FLT1: variants seen among roughly 807,000 people sequenced by gnomAD.
The protein encoded by FLT1 is vascular endothelial growth factor receptor 1.
A neutral mutation model predicts 156.3 loss-of-function variants in FLT1; 49 were observed. The observed-to-expected ratio is 0.31, with a 90% CI of 0.25 to 0.40. The LOEUF is 0.40. FLT1 is among the 10% of genes least tolerant of loss of function. The pLI, the probability that FLT1 is intolerant of heterozygous loss-of-function variation, is 1.00. For missense variants in FLT1, 1,322 were observed against 1,637.2 expected (o/e 0.81, Z 3.32); for synonymous variants, 594 against 583.8 (o/e 1.02, Z -0.25).
intron 15 of FLT1, among the ~76,000 whole-genome samples, chr13:28,352,678 G>C (rs1344523775): frequency 6.6e-6 from 1 of 152,178 alleles, no homozygotes; most frequent in East Asian, 1.9e-4. Context: ...GTGCACAACT[G>C]GTTCATCTCT....
intron 3 of FLT1, among the ~76,000 whole-genome samples, chr13:28,442,628 C>T (rs1878391498): frequency 6.6e-6 from 1 of 151,864 alleles, no homozygotes; most frequent in Non-Finnish European, 1.5e-5. Context: ...CTATGCAAAA[C>T]ACATTATTTG....
At chr13:28,367,710 C>G (rs550711329) in intron 14 of FLT1, among the ~76,000 whole-genome samples, 6 of 152,326 alleles carry the variant, frequency 3.9e-5, no homozygotes, top group Non-Finnish European at 5.9e-5. Context: ...TGTTCCCCCC[C>G]ACACACAAAA....
At chr13:28,353,344 G>A (rs1019140663) in intron 15 of FLT1, among the ~76,000 whole-genome samples, 3 of 152,004 alleles carry the variant, frequency 2.0e-5, no homozygotes, top group African/African-American at 4.8e-5. Context: ...AGGCCGAGGC[G>A]GGTGGATTAC....
intron 17 of FLT1, among the ~76,000 whole-genome samples, chr13:28,336,249 A>T (rs1872111205): frequency 6.6e-6 from 1 of 152,156 alleles, no homozygotes; most frequent in African/African-American, 2.4e-5. Flanking sequence ...GGCTTCCCTC[A>T]GCCTTTTCAT....
chr13:28,367,404 G>A (rs891724235), intron 14 of FLT1, among the ~76,000 whole-genome samples: 1 of 152,284 alleles, frequency 6.6e-6, no homozygotes, highest in Middle Eastern at 3.4e-3. Flanking sequence ...GGAGGATGTG[G>A]ATAAGTTTTT....
intron 18 of FLT1, among the ~76,000 whole-genome samples, chr13:28,332,864 T>C (rs1327181178): frequency 6.6e-6 from 1 of 152,202 alleles, no homozygotes; most frequent in East Asian, 1.9e-4. Context: ...GACATGTTGA[T>C]GCCTCTTCTC....
intron 25 of FLT1, among the ~76,000 whole-genome samples, chr13:28,317,113 G>A (rs532760482): frequency 2.0e-4 from 30 of 152,316 alleles, no homozygotes; most frequent in Admixed American, 4.6e-4. Flanking sequence ...TCCATCCCTG[G>A]GGCTGCTAGG....
In FLT1 at chr13:28,301,032, A is replaced by G; in HGVS notation, c.*2135T>C. 4.3e-6 allele frequency: 1 copy of G among 232,786 alleles called. No individual in the cohort carries two copies. Among genetic ancestry groups the G allele is most frequent in the Non-Finnish European group, 8.5e-6 (1 of 117,770 alleles). The allele number at this position is 232,786 out of a possible 1,614,324, so 14.4% of individuals were successfully genotyped here. On this transcript the variant is annotated 3_prime_UTR_variant, in exon 30 of 30. Transcript: ENST00000282397. ...CTGAGTTTGAAGGAGCTGAGTAACA[A>G]TTCTAATGGTTTTGCTTTTCTCTTG... is the stretch of plus-strand genomic sequence containing the variant.
At chr13:28,335,082 G>C (rs1458988744) in intron 17 of FLT1, among the ~76,000 whole-genome samples, 1 of 152,172 alleles carries the variant, frequency 6.6e-6, no homozygotes, top group East Asian at 1.9e-4. Flanking sequence ...CCTTTAGGGA[G>C]GGCACTCCCT....
intron 7 of FLT1, among the ~76,000 whole-genome samples, chr13:28,430,879 T>C (rs1467470238): frequency 1.3e-5 from 2 of 152,206 alleles, no homozygotes; most frequent in Non-Finnish European, 2.9e-5. Context: ...TTCATAAATA[T>C]ATTAGGTTCT....
intron 13 of FLT1, chr13:28,387,841 A>G (rs1874460690): frequency 9.6e-7 from 1 of 1,041,288 alleles, no homozygotes; most frequent in Non-Finnish European, 1.2e-6. Flanking sequence ...CGGAAGGATT[A>G]ATTACACAGT....
At chr13:28,438,109 T>C in intron 4 of FLT1, 112 bp downstream of exon 4, 1 of 1,066,418 alleles carries the variant, frequency 9.4e-7, no homozygotes, top group Non-Finnish European at 1.4e-6. Context: ...GAAAGTCCAC[T>C]GAGAAGCCCA....
In FLT1 at chr13:28,467,761, T is replaced by TA. The variant is rs1879932664; in HGVS notation, c.65-145dup. On this transcript the variant is annotated intron_variant, in intron 1 of 29. Transcript: ENST00000282397. Reference sequence around the variant, plus strand: ...GTATCTTTAATTTATAAGCAAAAGATACACTAATACAAATTTCTCTTAATT... The same window carrying TA: ...GTATCTTTAATTTATAAGCAAAAGATAACACTAATACAAATTTCTCTTAATT... 6 of 603,160 alleles carry TA rather than the reference T, an allele frequency of 9.9e-6. No homozygotes were observed. In the South Asian group the frequency reaches 1.3e-4, roughly 13 times the overall value. The allele number at this position is 603,160 out of a possible 1,614,324, so 37.4% of individuals were successfully genotyped here.
intron 25 of FLT1, among the ~76,000 whole-genome samples, chr13:28,314,741 C>T (rs530107292): frequency 6.6e-6 from 1 of 152,166 alleles, no homozygotes; most frequent in African/African-American, 2.4e-5. Context: ...CTTTCACATG[C>T]TGGAGAAAAT....
At chr13:28,308,697 A>G in intron 28 of FLT1, 146 bp downstream of exon 28, 1 of 701,670 alleles carries the variant, frequency 1.4e-6, no homozygotes, top group South Asian at 1.5e-5. Flanking sequence ...TCTAGTTGTC[A>G]GTCCTCCCCA....
chr13:28,469,741 C>T (rs999485185), intron 1 of FLT1, among the ~76,000 whole-genome samples: 10 of 152,072 alleles, frequency 6.6e-5, no homozygotes, highest in Non-Finnish European at 1.2e-4. Flanking sequence ...AAATTAATAT[C>T]TTTTAAATTT....
At chr13:28,375,367 G>A (rs945480015) in intron 14 of FLT1, among the ~76,000 whole-genome samples, 6 of 140,358 alleles carry the variant, frequency 4.3e-5, no homozygotes, top group African/African-American at 1.1e-4. Context: ...TGCAGAAAGC[G>A]CATAAAGCAA....
chr13:28,474,505 C>CACACACACACACACACAGACACACAG (rs1555245751), intron 1 of FLT1, among the ~76,000 whole-genome samples: 2,976 of 150,890 alleles, frequency 0.02, 51 homozygotes, highest in Admixed American at 0.027. Flanking sequence ...CACACACACA[C>CACACACACACACACACAGACACACAG]ACACACACAC....
chr13:28,490,824 G>GA (rs1426938152), intron 1 of FLT1, among the ~76,000 whole-genome samples: 14 of 152,128 alleles, frequency 9.2e-5, no homozygotes, highest in Admixed American at 7.2e-4. Flanking sequence ...CAAATGCACT[G>GA]AAAAATGATG....
Sources: allele counts gnomAD v4.1 joint callset (sites outside exome capture counted in the v4.1 genomes callset), GRCh38; gene constraint gnomAD v4.1.1; transcripts MANE v1.5; gene names NCBI Gene and HGNC (gene_info 2026-07-23, HGNC 2026-07-21).